The following CSMD1 variants were observed in gnomAD, a reference collection of about 807,000 sequenced individuals.
CSMD1 encodes the protein CUB and sushi domain-containing protein 1.
In CSMD1, 213 loss-of-function variants were observed where a neutral mutation model predicts 417.5. That is an observed-to-expected ratio of 0.51 (90% CI 0.46 to 0.57). The LOEUF (loss-of-function observed/expected upper bound fraction) is 0.57, where lower values mean the gene tolerates loss of function less well. Among genes scored for constraint, CSMD1 ranks in the 20% least tolerant of loss-of-function variants. The pLI is 0.00. For missense variants in CSMD1, 6,923 were observed against 4,529.7 expected, an observed-to-expected ratio of 1.53 and a Z score of -15.17; for synonymous variants, 2,862 against 1,736.8, an observed-to-expected ratio of 1.65 and a Z score of -16.11.
intron 12 of CSMD1, among the ~76,000 whole-genome samples, chr8:3,468,291 C>T (rs1454875658): frequency 2.6e-5 from 4 of 152,178 alleles, no homozygotes; most frequent in African/African-American, 9.7e-5. Flanking sequence ...ACAGGGCTTT[C>T]ATTTCAAATA....
At position 4,732,385 on chromosome 8, in the gene CSMD1, T is replaced by TGTGTGTGGC. The variant is rs1563244669; in HGVS notation, c.86-94828_86-94827insGCCACACAC. On this transcript the variant is annotated intron_variant, in intron 1 of 69. Transcript: ENST00000635120. ...TGTGTGTGTGTGTGTGTGTGTGTAGTGTTTTTCCCCTGAGATTCTCACTCT... is the reference window on the plus strand; with the variant it reads ...TGTGTGTGTGTGTGTGTGTGTGTAGTGTGTGTGGCGTTTTTCCCCTGAGATTCTCACTCT... Among the ~76,000 whole-genome samples, 9 of 75,278 alleles carry TGTGTGTGGC rather than the reference T, an allele frequency of 1.2e-4. 1 individual carries two copies. Among genetic ancestry groups the TGTGTGTGGC allele is most frequent in the African/African-American group, 4.4e-4 (9 of 20,484 alleles). The allele number at this position is 75,278 out of a possible 152,430, so 49.4% of individuals were successfully genotyped here. A position where few individuals can be genotyped will look rare whatever the true frequency, so the allele number is the denominator to read the frequency against.
intron 3 of CSMD1, among the ~76,000 whole-genome samples, chr8:4,400,578 C>A (rs1804578117): frequency 6.6e-6 from 1 of 152,210 alleles, no homozygotes; most frequent in African/African-American, 2.4e-5. Flanking sequence ...CCATTACTTT[C>A]ATTAGAGCTG....
intron 10 of CSMD1, among the ~76,000 whole-genome samples, chr8:3,502,357 T>C (rs1796639177): frequency 9.4e-6 from 1 of 105,858 alleles, no homozygotes; most frequent in Non-Finnish European, 1.8e-5. Context: ...AGACCGAGAC[T>C]TCATCTCAAA....
At chr8:4,871,853 G>A (rs1235967381) in intron 1 of CSMD1, among the ~76,000 whole-genome samples, 2 of 152,072 alleles carry the variant, frequency 1.3e-5, no homozygotes, top group African/African-American at 4.8e-5. Context: ...CTTGCCAGCA[G>A]GTCTCCAGTT....
rs577065673 is a variant in CSMD1, at chr8:4,475,342, G to A, written c.303-55277C>T. 2.3e-3 allele frequency among the ~76,000 whole-genome samples: 356 copies of A among 152,222 alleles called. 1 individual carries two copies. The highest frequency in any genetic ancestry group is 3.8e-3 in the Non-Finnish European group (256 of 68,008). On this transcript the variant is annotated intron_variant, in intron 2 of 69. Coordinates refer to ENST00000635120, the MANE Select transcript of CSMD1 (RefSeq NM_033225.6). The stretch of plus-strand genomic sequence containing the variant: ...ATTGTGATAGCTTCATAAGACAGAA[G>A]CAGTATATTAATAAAGAGTTAATGT...
intron 43 of CSMD1, among the ~76,000 whole-genome samples, chr8:3,109,415 A>G (rs1816357590): frequency 6.6e-6 from 1 of 152,188 alleles, no homozygotes; most frequent in Non-Finnish European, 1.5e-5. Context: ...GGTCAACCTA[A>G]TATTTCAAAT....
chr8:4,077,554 T>C (rs1348397199), intron 3 of CSMD1, among the ~76,000 whole-genome samples: 2 of 151,954 alleles, frequency 1.3e-5, no homozygotes, highest in African/African-American at 2.4e-5. Flanking sequence ...AAACAACACA[T>C]TCCCTGTAAA....
At chr8:4,661,811 A>T (rs1166299714) in intron 1 of CSMD1, among the ~76,000 whole-genome samples, 1 of 152,220 alleles carries the variant, frequency 6.6e-6, no homozygotes, top group African/African-American at 2.4e-5. Flanking sequence ...GTTAGCATGA[A>T]GAATATGTTA....
chr8:4,900,073 T>G (rs1270883272), intron 1 of CSMD1, among the ~76,000 whole-genome samples: 1 of 152,156 alleles, frequency 6.6e-6, no homozygotes, highest in African/African-American at 2.4e-5. Flanking sequence ...TCTCTGGTAG[T>G]TCCTTCTGCT....
intron 10 of CSMD1, chr8:3,515,282 T>C (rs976437821): frequency 2.6e-5 from 4 of 152,306 alleles, no homozygotes; most frequent in South Asian, 2.1e-4. Flanking sequence ...TTCTGGAGTA[T>C]GTGGTGTAAA....
chr8:4,908,081 C>T (rs1248206259), intron 1 of CSMD1, among the ~76,000 whole-genome samples: 1 of 152,118 alleles, frequency 6.6e-6, no homozygotes, highest in East Asian at 1.9e-4. Context: ...TTTTCTTTCT[C>T]CATGGAAGTC....
At chr8:3,665,635 G>C (rs907858235) in intron 7 of CSMD1, among the ~76,000 whole-genome samples, 6 of 152,156 alleles carry the variant, frequency 3.9e-5, no homozygotes. Flanking sequence ...TAATCCCTGA[G>C]AGAAATATTG....
At chr8:3,323,534 C>T (rs74888842) in intron 23 of CSMD1, among the ~76,000 whole-genome samples, 6,996 of 152,170 alleles carry the variant, frequency 0.046, 351 homozygotes, top group East Asian at 0.21. Context: ...TTGCCTAAAA[C>T]CATCAAAAGA....
At chr8:4,556,516 T>C (rs746885503) in intron 2 of CSMD1, among the ~76,000 whole-genome samples, 5 of 152,090 alleles carry the variant, frequency 3.3e-5, no homozygotes, top group Non-Finnish European at 5.9e-5. Flanking sequence ...ATAATCGAAT[T>C]ATCTCTCAAC....
intron 5 of CSMD1, among the ~76,000 whole-genome samples, chr8:3,969,308 G>C (rs749904955): frequency 3.9e-5 from 6 of 152,126 alleles, no homozygotes; most frequent in Non-Finnish European, 7.4e-5. Context: ...GGTGGAGAAA[G>C]GGCTTCCCAG....
At chr8:3,523,015 CCACACA>C (rs35558604) in intron 10 of CSMD1, among the ~76,000 whole-genome samples, 3,662 of 141,844 alleles carry the variant, frequency 0.026, 70 homozygotes, top group Middle Eastern at 0.068. Context: ...ATACACACAC[CCACACA>C]CACACACACA....
chr8:4,771,891 G>C (rs959022224), intron 1 of CSMD1, among the ~76,000 whole-genome samples: 1 of 152,140 alleles, frequency 6.6e-6, no homozygotes, highest in Non-Finnish European at 1.5e-5. Context: ...GGCATGAAGG[G>C]AGCCTCCAGA....
At chr8:4,278,121 T>G (rs191297165) in intron 3 of CSMD1, among the ~76,000 whole-genome samples, 1 of 152,218 alleles carries the variant, frequency 6.6e-6, no homozygotes, top group African/African-American at 2.4e-5. Context: ...TTTCTCCTTA[T>G]GCTCATATAA....
intron 1 of CSMD1, among the ~76,000 whole-genome samples, chr8:4,680,173 G>C (rs1464662983): frequency 6.6e-6 from 1 of 152,158 alleles, no homozygotes; most frequent in Admixed American, 6.5e-5. Context: ...AATCAGACCT[G>C]TTCTTAGGAA....
Sources: gnomAD v4.1 joint callset for allele counts (sites outside exome capture counted in the v4.1 genomes callset) on GRCh38, gnomAD v4.1.1 for gene constraint, MANE v1.5 for transcripts, NCBI Gene and HGNC (gene_info 2026-07-23, HGNC 2026-07-21) for gene names.